The following NLGN4X variants were observed in gnomAD, a reference collection of about 807,000 sequenced individuals.
NLGN4X encodes the protein neuroligin-4, X-linked.
NLGN4X carries 3 observed loss-of-function variants against 40.3 expected under a neutral mutation model. That is an observed-to-expected ratio of 0.07 (90% CI 0.03 to 0.19). The LOEUF is 0.19. Ranked by LOEUF, NLGN4X falls within the 10% of genes least tolerant of loss-of-function variation. The pLI is 1.00. For missense variants in NLGN4X, 382 were observed against 708.3 expected (o/e 0.54, Z 5.23); for synonymous variants, 270 against 306.8 (o/e 0.88, Z 1.25).
At chrX:5,984,279 T>C (rs1473410705) in intron 3 of NLGN4X, among the ~76,000 whole-genome samples, 2 of 110,518 alleles carry the variant, frequency 1.8e-5, no homozygotes, top group African/African-American at 6.6e-5. Context: ...GGTTTAACCA[T>C]GCATTAGATA....
intron 3 of NLGN4X, among the ~76,000 whole-genome samples, chrX:5,940,601 A>AG (rs1381789161): frequency 1.1e-4 from 12 of 109,165 alleles, no homozygotes; most frequent in Non-Finnish European, 1.9e-4. Context: ...ATTCTCTAGA[A>AG]AAAAAAAAAA....
At chrX:5,902,597 G>A (rs904887344) in intron 5 of NLGN4X, among the ~76,000 whole-genome samples, 1 of 112,338 alleles carries the variant, frequency 8.9e-6, no homozygotes, top group Non-Finnish European at 1.9e-5. Context: ...GCTGAGGCAG[G>A]AGGATGGCTT....
chrX:6,017,225 T>C (rs1285068107), intron 3 of NLGN4X, among the ~76,000 whole-genome samples: 9 of 111,877 alleles, frequency 8.0e-5, no homozygotes, highest in Admixed American at 7.6e-4. Context: ...TCAAAAGCCA[T>C]TAAAAGTATC....
chrX:6,163,226 G>A (rs1363732079), intron 1 of NLGN4X, among the ~76,000 whole-genome samples: 2 of 111,687 alleles, frequency 1.8e-5, no homozygotes, highest in Non-Finnish European at 3.8e-5. Context: ...TATCAGCAGT[G>A]TGAAAAAAGA....
rs1157468420 is a variant in NLGN4X, at chrX:6,116,391, C to CTTTTTTTTTTTTTTTTTTT, written c.472+34585_472+34603dup. ...ACAAGTAGGTATTGAACCTTTCTTT[C>CTTTTTTTTTTTTTTTTTTT]TTTTTTTTTTTTTTTTTTTTTTTTT... On this transcript the variant is annotated intron_variant, in intron 2 of 5. Transcript: ENST00000381095. Among the ~76,000 whole-genome samples, 5 of 22,279 alleles carry CTTTTTTTTTTTTTTTTTTT rather than the reference C, an allele frequency of 2.2e-4. 1 individual carries two copies. The highest frequency in any genetic ancestry group is 7.5e-4 in the African/African-American group (4 of 5,350). The allele number at this position is 22,279 out of a possible 115,157, so 19.3% of individuals were successfully genotyped here. A position where few individuals can be genotyped will look rare whatever the true frequency, so the allele number is the denominator to read the frequency against.
At chrX:5,941,101 G>A (rs1464530948) in intron 3 of NLGN4X, among the ~76,000 whole-genome samples, 38 of 103,137 alleles carry the variant, frequency 3.7e-4, no homozygotes, top group East Asian at 3.1e-4. Context: ...GCACTCCAGC[G>A]TGGGTGACAG....
chrX:5,934,858 T>C lies in NLGN4X; in HGVS notation c.626-25619A>G, dbSNP rs2033681022. The stretch of plus-strand genomic sequence containing the variant: ...ATATACAAGAAGTCAATATGTAATG[T>C]AGTCCACAAATCAAGGAGGAAATAA... On this transcript the variant is annotated intron_variant, in intron 3 of 5. Coordinates refer to ENST00000381095, the MANE Select transcript of NLGN4X (RefSeq NM_181332.3). Among the ~76,000 whole-genome samples the C allele has an allele frequency of 2.7e-5, 3 of 112,537 alleles. No individual in the cohort carries two copies. In the Admixed American group the frequency reaches 2.8e-4, roughly 11 times the overall value.
intron 2 of NLGN4X, among the ~76,000 whole-genome samples, chrX:6,057,078 G>A (rs1248488612): frequency 1.2e-4 from 13 of 112,047 alleles, no homozygotes; most frequent in Non-Finnish European, 1.5e-4. Context: ...AAAGAGGTAC[G>A]TTGTCAATGG....
intron 1 of NLGN4X, among the ~76,000 whole-genome samples, chrX:6,178,132 C>T (rs1043378672): frequency 1.8e-5 from 2 of 111,516 alleles, no homozygotes; most frequent in South Asian, 3.8e-4. Context: ...CTAAAACATT[C>T]CCTATGTGCT....
intron 2 of NLGN4X, among the ~76,000 whole-genome samples, chrX:6,092,549 A>G (rs2038667159): frequency 8.9e-6 from 1 of 112,433 alleles, no homozygotes; most frequent in Non-Finnish European, 1.9e-5. Flanking sequence ...AAGATCAAAC[A>G]AACATGAGTT....
intron 3 of NLGN4X, among the ~76,000 whole-genome samples, chrX:6,001,871 CATT>C (rs984685230): frequency 1.8e-5 from 2 of 111,646 alleles, no homozygotes; most frequent in Non-Finnish European, 3.8e-5. Context: ...AACATTTAAA[CATT>C]GTTGTTGTTG....
At chrX:5,976,958 A>G (rs1282534692) in intron 3 of NLGN4X, among the ~76,000 whole-genome samples, 1 of 112,492 alleles carries the variant, frequency 8.9e-6, no homozygotes, top group African/African-American at 3.2e-5. Flanking sequence ...GCACTGCCTC[A>G]TATCTTTCTC....
At chrX:5,998,257 A>G (rs1253496908) in intron 3 of NLGN4X, among the ~76,000 whole-genome samples, 1 of 109,565 alleles carries the variant, frequency 9.1e-6, no homozygotes, top group African/African-American at 3.3e-5. Context: ...TAAAAATACA[A>G]AAATTAGCTG....
chrX:6,068,636 A>C (rs926324883), intron 2 of NLGN4X, among the ~76,000 whole-genome samples: 3 of 112,182 alleles, frequency 2.7e-5, no homozygotes, highest in Non-Finnish European at 5.6e-5. Context: ...GAAAATATAC[A>C]ATGATCTAAT....
At chrX:5,957,684 G>A (rs2034535485) in intron 3 of NLGN4X, among the ~76,000 whole-genome samples, 1 of 111,377 alleles carries the variant, frequency 9.0e-6, no homozygotes, top group Non-Finnish European at 1.9e-5. Flanking sequence ...CAGCTGGTAT[G>A]TATTGCCTGG....
chrX:5,977,610 T>C (rs1414065524), intron 3 of NLGN4X, among the ~76,000 whole-genome samples: 1 of 111,000 alleles, frequency 9.0e-6, no homozygotes, highest in Non-Finnish European at 1.9e-5. Flanking sequence ...TATATATTTA[T>C]ATACTGGTAT....
chrX:6,018,822 G>A lies in NLGN4X; in HGVS notation c.625+10458C>T, dbSNP rs186195521. 3.9e-3 allele frequency among the ~76,000 whole-genome samples: 440 copies of A among 111,631 alleles called. 4 individuals are homozygous for A. The highest frequency in any genetic ancestry group is 0.014 in the African/African-American group (416 of 30,708). ...TGCATACAATCTCAAATAATTAACC[G>A]AATCAACACAGACTTTCTAGTGACT... On this transcript the variant is annotated intron_variant, in intron 3 of 5. Transcript: ENST00000381095.
chrX:5,958,500 G>A (rs944417266), intron 3 of NLGN4X, among the ~76,000 whole-genome samples: 1 of 111,388 alleles, frequency 9.0e-6, no homozygotes. Context: ...TGATGTCTGA[G>A]GAGGTTTGCT....
intron 3 of NLGN4X, among the ~76,000 whole-genome samples, chrX:5,966,927 T>C (rs761813469): frequency 1.8e-4 from 20 of 112,355 alleles, no homozygotes; most frequent in African/African-American, 6.1e-4. Context: ...CTACACCAGA[T>C]AGTAGATGAC....
Sources: gnomAD v4.1 joint callset for allele counts (sites outside exome capture counted in the v4.1 genomes callset) on GRCh38, gnomAD v4.1.1 for gene constraint, MANE v1.5 for transcripts, NCBI Gene and HGNC (gene_info 2026-07-23, HGNC 2026-07-21) for gene names.